The following P2RX6 variants were observed in gnomAD, a reference collection of about 807,000 sequenced individuals.
The protein encoded by P2RX6 is P2X purinoceptor 6.
P2RX6 carries 62 observed loss-of-function variants against 54.2 expected under a neutral mutation model. The ratio of observed to expected loss-of-function variants is 1.14; its 90% CI spans 0.93 to 1.41. The LOEUF is 1.41. Among genes scored for constraint, P2RX6 ranks in the 40% most tolerant of loss-of-function variants. The pLI, the probability that P2RX6 is intolerant of heterozygous loss-of-function variation, is 0.00. For synonymous variants in P2RX6, 211 were observed against 231.9 expected (o/e 0.91, Z 0.82); for missense variants, 541 against 566.3 (o/e 0.96, Z 0.45).
At chr22:21,021,980 A>G (rs571452404) in intron 3 of P2RX6, among the ~76,000 whole-genome samples, 2 of 152,210 alleles carry the variant, frequency 1.3e-5, no homozygotes, top group East Asian at 3.9e-4. Context: ...CACCCTCCCA[A>G]GGTATCTTCA....
Position 21,026,083 on chromosome 22 carries a change from G to A in P2RX6, c.1050+7G>A. 2 of 1,608,220 alleles carry A rather than the reference G, an allele frequency of 1.2e-6. No homozygotes were observed. The highest frequency in any genetic ancestry group is 1.7e-6 in the Non-Finnish European group (2 of 1,177,952). On this transcript the variant is annotated splice_region_variant and intron_variant, in intron 10 of 11. Coordinates refer to ENST00000413302, the MANE Select transcript of P2RX6 (RefSeq NM_005446.5). This position sits in a 1 kb window ranked among gnomAD's most constrained non-coding sequence, Gnocchi z 4.0. ...GGCAGCTTGGCTGGGCGTGGTGAGT[G>A]CGAGCACTGTGGGCACCTGCAGGCT...
chr22:21,011,519 G>T, upstream of P2RX6: 1 of 714,062 alleles, frequency 1.4e-6, no homozygotes, highest in Non-Finnish European at 2.6e-6. Flanking sequence ...CGCATGGCCT[G>T]GTTCACTGTG....
chr22:21,011,618 G>C, upstream of P2RX6: 1 of 711,662 alleles, frequency 1.4e-6, no homozygotes, highest in Non-Finnish European at 2.6e-6. Context: ...TCCTCAGCCA[G>C]TGGGATGCAA....
Position 21,026,123 on chromosome 22 carries a change from T to G in P2RX6, c.1050+47T>G. 1 of 1,572,976 alleles carries G rather than the reference T, an allele frequency of 6.4e-7. No homozygotes were observed. Among genetic ancestry groups the G allele is most frequent in the Non-Finnish European group, 8.7e-7 (1 of 1,155,874 alleles). ...ACCTGCAGGCTGCAGTGAGTGCTGC[T>G]GACCAGGGTGTGTCCAATGCATGCT... On this transcript the variant is annotated intron_variant, in intron 10 of 11. Transcript: ENST00000413302. The surrounding 1 kb of genome is among the most constrained non-coding windows in gnomAD (Gnocchi z 4.0).
Position 21,023,193 on chromosome 22 carries a change from C to T in P2RX6, c.633C>T (p.Phe211=). ...KNTVTFSKFN[F]SKSNALETWD... ...CAGTCACCTTCAGCAAGTTCAACTT[C>T]TCTAAGTAAGCAGAGTGGGTCTCAT... The change falls in exon 6 of 12, where the codon TTC becomes TTT. Residue 211 remains phenylalanine (F), a synonymous_variant. Coordinates refer to ENST00000413302, the MANE Select transcript of P2RX6 (RefSeq NM_005446.5). 1 of 1,613,992 alleles carries T rather than the reference C, an allele frequency of 6.2e-7. No homozygotes were observed. Among genetic ancestry groups the T allele is most frequent in the Non-Finnish European group, 8.5e-7 (1 of 1,179,882 alleles).
chr22:21,023,495 T>C lies in P2RX6; in HGVS notation c.781-14T>C, dbSNP rs776868166. 6.2e-7 allele frequency: 1 copy of C among 1,613,640 alleles called. No homozygotes were observed. ...GGCCCACCCACCGGTGGAAAAGCTA[T>C]GTGCTATGTGCAGGGTGGCTCTGTA... On this transcript the variant is annotated splice_polypyrimidine_tract_variant and intron_variant, in intron 7 of 11. Coordinates refer to ENST00000413302, the MANE Select transcript of P2RX6 (RefSeq NM_005446.5).
At chr22:21,010,711 G>C (rs1292342264), upstream of P2RX6, among the ~76,000 whole-genome samples, 1 of 152,118 alleles carries the variant, frequency 6.6e-6, no homozygotes, top group East Asian at 1.9e-4. Flanking sequence ...TCAGGGGCAT[G>C]AGAGTGATGA....
chr22:21,017,190 C>G (rs1038445870), intron 2 of P2RX6, among the ~76,000 whole-genome samples: 14 of 152,344 alleles, frequency 9.2e-5, no homozygotes, highest in African/African-American at 2.6e-4. Flanking sequence ...TCATGAGAGC[C>G]TGCAGCGCCT....
At chr22:21,018,197 A>C (rs1926767922) in intron 3 of P2RX6, 137 bp downstream of exon 3, 5 of 685,278 alleles carry the variant, frequency 7.3e-6, no homozygotes, top group East Asian at 2.7e-5. Context: ...ACTGGGCTAC[A>C]TCTTTTCCTG....
At chr22:21,021,175 C>T (rs1302700885) in intron 3 of P2RX6, among the ~76,000 whole-genome samples, 1 of 152,010 alleles carries the variant, frequency 6.6e-6, no homozygotes, top group Non-Finnish European at 1.5e-5. Flanking sequence ...TGAGGTCTTG[C>T]TTTGTTGCCC....
Position 21,026,000 on chromosome 22 carries a change from A to G in P2RX6, c.985-11A>G. On this transcript the variant is annotated splice_polypyrimidine_tract_variant and intron_variant, in intron 9 of 11. Transcript: ENST00000413302. ...TCGTGGGCTGAGAGGTTCAGCTCAG[A>G]TCTCTCTCAGGCAGGGAAGTTCGGG... 1 of 1,608,386 alleles carries G rather than the reference A, an allele frequency of 6.2e-7. No homozygotes were observed. The highest frequency in any genetic ancestry group is 8.5e-7 in the Non-Finnish European group (1 of 1,177,604).
intron 8 of P2RX6, 123 bp from the exon 9 acceptor site, chr22:21,025,682 A>G (rs1168692210): frequency 8.8e-6 from 6 of 684,922 alleles, no homozygotes; most frequent in Non-Finnish European, 1.5e-5. Flanking sequence ...GCTGAGACCC[A>G]GGACTCAGGC....
At chr22:21,022,224 A>C (rs749016834) in intron 3 of P2RX6, among the ~76,000 whole-genome samples, 2 of 152,198 alleles carry the variant, frequency 1.3e-5, no homozygotes, top group African/African-American at 4.8e-5. Flanking sequence ...ATATTAAAAA[A>C]TCAGCCAGGC....
Position 21,023,174 on chromosome 22 carries a change from C to G in P2RX6, c.614C>G (p.Thr205Ser). ...ACACTGTTCATCAAAAACACAGTCA[C>G]CTTCAGCAAGTTCAACTTCTCTAAG... ...NFTLFIKNTV[T>S]FSKFNFSKSN... is the part of the protein sequence containing the mutation. The change falls in exon 6 of 12, where the codon ACC becomes AGC. Residue 205 changes from threonine (T) to serine (S), a missense_variant. Transcript: ENST00000413302. The G allele has an allele frequency of 1.9e-6, 3 of 1,613,972 alleles. No individual in the cohort carries two copies. The highest frequency in any genetic ancestry group is 2.5e-6 in the Non-Finnish European group (3 of 1,179,878).
rs1212244030 is a variant in P2RX6 at position 21,026,471 on chromosome 22, G to A, written c.1180G>A (p.Ala394Thr). Residue 394 changes from alanine (A) to threonine (T), a missense_variant, in exon 12 of 12, where the codon GCA (alanine) becomes ACA (threonine). Ala to Thr is a moderately conservative substitution (Grantham distance 58). This residue lies in a region of P2RX6 where 526 missense variants were observed against 531.5 expected (regional missense o/e 0.99). Coordinates refer to ENST00000413302, the MANE Select transcript of P2RX6 (RefSeq NM_005446.5). This position sits in a 1 kb window ranked among gnomAD's most constrained non-coding sequence, Gnocchi z 4.0. ...CTCTGTGTGGAGGGAGCTGGCCCTTGCATCCCAAGCCCGACTGGCCGAGTG... is the reference window on the plus strand; with the variant it reads ...CTCTGTGTGGAGGGAGCTGGCCCTTACATCCCAAGCCCGACTGGCCGAGTG... ...ANSVWRELAL[A>T]SQARLAECLR... 6.2e-7 allele frequency: 1 copy of A among 1,602,582 alleles called. No individual in the cohort carries two copies. Among genetic ancestry groups the A allele is most frequent in the East Asian group, 2.3e-5 (1 of 44,276 alleles).
chr22:21,025,932 A>C, intron 9 of P2RX6, 34 bp downstream of exon 9: 1 of 1,580,708 alleles, frequency 6.3e-7, no homozygotes, highest in Non-Finnish European at 8.6e-7. Flanking sequence ...CGGGGATGGG[A>C]TGGGGCAGGC....
chr22:21,023,704 G>A (rs1185980643), intron 8 of P2RX6, 86 bp downstream of exon 8: 8 of 954,426 alleles, frequency 8.4e-6, no homozygotes, highest in Non-Finnish European at 1.3e-5. Context: ...CCCAGGCCCA[G>A]GCCTCTAGAT....
chr22:21,025,797 G>T lies in P2RX6; in HGVS notation c.891-8G>T. 6.4e-7 allele frequency: 1 copy of T among 1,552,656 alleles called. No individual in the cohort carries two copies. The highest frequency in any genetic ancestry group is 1.2e-5 in the South Asian group (1 of 84,192). ...GCAGGTCACCAGAGCCTTCTTTCCT[G>T]CCCACAGGACAGCCACTCACTGGTG... On this transcript the variant is annotated splice_region_variant and splice_polypyrimidine_tract_variant and intron_variant, in intron 8 of 11. Coordinates refer to ENST00000413302, the MANE Select transcript of P2RX6 (RefSeq NM_005446.5).
At chr22:21,020,382 C>A (rs776487301) in intron 3 of P2RX6, among the ~76,000 whole-genome samples, 11 of 152,100 alleles carry the variant, frequency 7.2e-5, no homozygotes, top group Non-Finnish European at 1.5e-4. Flanking sequence ...ATGCACCATG[C>A]TCTTTATAGT....
Sources: gnomAD v4.1 joint callset for allele counts (sites outside exome capture counted in the v4.1 genomes callset) on GRCh38, gnomAD v4.1.1 for gene constraint, gnomAD v4.1.1 regional missense constraint, Gnocchi (gnomAD v3.1) non-coding constraint, MANE v1.5 for transcripts, NCBI Gene and HGNC (gene_info 2026-07-23, HGNC 2026-07-21) for gene names.